Variants in ITPR2 observed in about 807,000 individuals in gnomAD.
ITPR2 encodes inositol 1,4,5-trisphosphate receptor type 2, also known as inositol 1,4,5-trisphosphate-gated calcium channel ITPR2.
A neutral mutation model predicts 317.1 loss-of-function variants in ITPR2; 207 were observed. That is an observed-to-expected ratio of 0.65 (90% CI 0.58 to 0.73). The LOEUF (loss-of-function observed/expected upper bound fraction) is 0.73, where lower values mean the gene tolerates loss of function less well. Ranked by LOEUF, ITPR2 falls within the 30% of genes least tolerant of loss-of-function variation. The pLI, the probability that ITPR2 is intolerant of heterozygous loss-of-function variation, is 0.00. For missense variants in ITPR2, 2,613 were observed against 3,284.0 expected (o/e 0.80, Z 4.99); for synonymous variants, 1,156 against 1,149.1 (o/e 1.01, Z -0.12).
chr12:26,633,924 A>G (rs1365580654), intron 21 of ITPR2, among the ~76,000 whole-genome samples: 2 of 152,326 alleles, frequency 1.3e-5, no homozygotes, highest in African/African-American at 4.8e-5. Flanking sequence ...ATGGAAAATA[A>G]TCCTTTAATC....
chr12:26,678,977 G>A (rs764787382), intron 13 of ITPR2, among the ~76,000 whole-genome samples: 43 of 152,192 alleles, frequency 2.8e-4, no homozygotes, highest in Non-Finnish European at 5.6e-4. Context: ...GTGAAGCCAA[G>A]TAAATTGCTG....
At chr12:26,555,018 CT>C (rs34267649) in intron 36 of ITPR2, among the ~76,000 whole-genome samples, 23,049 of 152,130 alleles carry the variant, frequency 0.15, 2,397 homozygotes, top group Non-Finnish European at 0.23. Flanking sequence ...CTTTAAAATC[CT>C]TACTCACAAG....
intron 1 of ITPR2, among the ~76,000 whole-genome samples, chr12:26,823,053 C>T (rs998530963): frequency 2.0e-5 from 3 of 151,984 alleles, no homozygotes; most frequent in East Asian, 1.9e-4. Context: ...CCAAGTTCAG[C>T]GAAAATGCCA....
intron 32 of ITPR2, among the ~76,000 whole-genome samples, chr12:26,585,806 A>G (rs1945512032): frequency 6.6e-6 from 1 of 152,208 alleles, no homozygotes; most frequent in South Asian, 2.1e-4. Context: ...GCTTTTTAGA[A>G]AGGCTGCATG....
Position 26,682,431 on chromosome 12 carries a change from T to C in ITPR2, c.1248+143A>G, listed in dbSNP as rs1404877208. The C allele has an allele frequency of 6.5e-6, 4 of 613,200 alleles. No individual in the cohort carries two copies. In the African/African-American group the frequency reaches 7.5e-5, roughly 11 times the overall value. The allele number at this position is 613,200 out of a possible 1,614,324, so 38.0% of individuals were successfully genotyped here. ...CAGCTACCTAAGCAACTGGCAGACATGCATGCTTGATGAAATTAATTGCAA... is the reference window on the plus strand; with the variant it reads ...CAGCTACCTAAGCAACTGGCAGACACGCATGCTTGATGAAATTAATTGCAA... On this transcript the variant is annotated intron_variant, in intron 12 of 56. Transcript: ENST00000381340.
chr12:26,599,277 C>T lies in ITPR2; in HGVS notation c.3870G>A (p.Glu1290=). 6.2e-7 allele frequency: 1 copy of T among 1,614,100 alleles called. No individual in the cohort carries two copies. The highest frequency in any genetic ancestry group is 1.6e-4 in the Middle Eastern group (1 of 6,062). The change falls in exon 30 of 57, where the codon GAG becomes GAA. Residue 1290 remains glutamate (E), a synonymous_variant. Coordinates refer to ENST00000381340, the MANE Select transcript of ITPR2 (RefSeq NM_002223.4). ...NNYHLCNEIS[E]RVVQHFVHCI... ...AGTGCACAAAGTGTTGTACAACTCT[C>T]TCGCTAATTTCGTTGCACAGATGGT...
At chr12:26,787,298 T>A (rs958989767) in intron 2 of ITPR2, among the ~76,000 whole-genome samples, 4 of 152,176 alleles carry the variant, frequency 2.6e-5, no homozygotes, top group Non-Finnish European at 5.9e-5. Context: ...GTAAGATAAA[T>A]GATTTAATCT....
At chr12:26,584,743 A>G (rs1205773212) in intron 32 of ITPR2, among the ~76,000 whole-genome samples, 1 of 152,196 alleles carries the variant, frequency 6.6e-6, no homozygotes, top group East Asian at 1.9e-4. Flanking sequence ...CTGAATTAAA[A>G]TTTACATTTA....
At chr12:26,790,029 AT>A (rs1323356576) in intron 2 of ITPR2, 127 bp downstream of exon 2, 2 of 696,144 alleles carry the variant, frequency 2.9e-6, no homozygotes, top group East Asian at 2.7e-5. Context: ...TGTTGAAAGA[AT>A]TTTCAGTGAA....
intron 10 of ITPR2, among the ~76,000 whole-genome samples, chr12:26,692,064 G>A (rs16931169): frequency 0.19 from 28,358 of 152,020 alleles, 3,564 homozygotes; most frequent in East Asian, 0.55. Context: ...AAATTCGGGG[G>A]TCAGAATCTG....
chr12:26,533,399 C>A (rs914319846), intron 37 of ITPR2, among the ~76,000 whole-genome samples: 9 of 152,188 alleles, frequency 5.9e-5, no homozygotes, highest in East Asian at 5.8e-4. Context: ...TTTGTAGATG[C>A]CCGCAAGCTG....
At chr12:26,461,711 C>T (rs1395547281) in intron 45 of ITPR2, among the ~76,000 whole-genome samples, 1 of 146,384 alleles carries the variant, frequency 6.8e-6, no homozygotes, top group African/African-American at 2.5e-5. Context: ...CACACACACA[C>T]ACACACATAC....
intron 2 of ITPR2, among the ~76,000 whole-genome samples, chr12:26,756,084 G>A (rs1404070539): frequency 6.6e-6 from 1 of 152,128 alleles, no homozygotes; most frequent in Non-Finnish European, 1.5e-5. Context: ...AATTATTCTT[G>A]CTGCACTTAT....
intron 32 of ITPR2, among the ~76,000 whole-genome samples, chr12:26,585,260 C>G (rs1418339826): frequency 6.6e-6 from 1 of 152,034 alleles, no homozygotes; most frequent in Non-Finnish European, 1.5e-5. Context: ...CACATCTTCC[C>G]TTTTATACTT....
rs1374657839 is a variant in ITPR2 at position 26,695,653 on chromosome 12, A to G, written c.952-3T>C. ...GCATCTCGATAATCAGGATTAAGCT[A>G]GAAAAACAAAGGAAAATTTAGTTTT... On this transcript the variant is annotated splice_region_variant and splice_polypyrimidine_tract_variant and intron_variant, in intron 9 of 56. Coordinates refer to ENST00000381340, the MANE Select transcript of ITPR2 (RefSeq NM_002223.4). The G allele has an allele frequency of 6.2e-7, 1 of 1,610,974 alleles. No individual in the cohort carries two copies. The highest frequency in any genetic ancestry group is 8.5e-7 in the Non-Finnish European group (1 of 1,177,526).
At chr12:26,487,538 A>G (rs955677453) in intron 39 of ITPR2, among the ~76,000 whole-genome samples, 2 of 152,240 alleles carry the variant, frequency 1.3e-5, no homozygotes, top group Non-Finnish European at 2.9e-5. Context: ...ACATTGTAAG[A>G]AGTTGTATGG....
rs1177499 is a variant in ITPR2, at chr12:26,781,952, T to C, written c.163+8205A>G. ...GACTCAGATGGCCTATTGTGGGACCTTGTGATCATGTGAGTTAATACTACT... is the reference window on the plus strand; with the variant it reads ...GACTCAGATGGCCTATTGTGGGACCCTGTGATCATGTGAGTTAATACTACT... On this transcript the variant is annotated intron_variant, in intron 2 of 56. Coordinates refer to ENST00000381340, the MANE Select transcript of ITPR2 (RefSeq NM_002223.4). 1.2e-3 allele frequency among the ~76,000 whole-genome samples: 174 copies of C among 144,768 alleles called. 1 individual carries two copies. The highest frequency in any genetic ancestry group is 6.6e-3 in the South Asian group (30 of 4,536). The allele number at this position is 144,768 out of a possible 152,430, so 95.0% of individuals were successfully genotyped here.
intron 1 of ITPR2, among the ~76,000 whole-genome samples, chr12:26,793,623 C>T (rs909577874): frequency 6.6e-6 from 1 of 152,118 alleles, no homozygotes; most frequent in Non-Finnish European, 1.5e-5. Context: ...TTCTGTCTTA[C>T]TCACCATTAT....
At chr12:26,530,403 G>A (rs1943917376) in intron 37 of ITPR2, among the ~76,000 whole-genome samples, 1 of 152,136 alleles carries the variant, frequency 6.6e-6, no homozygotes, top group African/African-American at 2.4e-5. Flanking sequence ...CATTGTTTGT[G>A]TTGCCAACAG....
Sources: gnomAD v4.1 joint callset for allele counts (sites outside exome capture counted in the v4.1 genomes callset) on GRCh38, gnomAD v4.1.1 for gene constraint, MANE v1.5 for transcripts, NCBI Gene and HGNC (gene_info 2026-07-23, HGNC 2026-07-21) for gene names.